FLACC1: variants seen among roughly 807,000 people sequenced by gnomAD.
FLACC1 encodes the protein flagellum associated containing coiled-coil domains 1.
In FLACC1, 66 loss-of-function variants were observed where a neutral mutation model predicts 62.8. The ratio of observed to expected loss-of-function variants is 1.05; its 90% CI spans 0.86 to 1.29. The LOEUF (loss-of-function observed/expected upper bound fraction) is 1.29, where lower values mean the gene tolerates loss of function less well. Among genes scored for constraint, FLACC1 ranks in the 50% most tolerant of loss-of-function variants. FLACC1 has a pLI of 0.00. For missense variants in FLACC1, 452 were observed against 489.1 expected (o/e 0.92, Z 0.71); for synonymous variants, 156 against 161.0 (o/e 0.97, Z 0.24).
chr2:201,361,178 C>T (rs1951183408), upstream of FLACC1, among the ~76,000 whole-genome samples: 1 of 152,186 alleles, frequency 6.6e-6, no homozygotes, highest in South Asian at 2.1e-4. Flanking sequence ...GATTCACTCT[C>T]ATCATTAACC....
At chr2:201,342,519 G>A (rs927371738) in intron 6 of FLACC1, 88 bp from the exon 7 acceptor site, 8 of 1,326,640 alleles carry the variant, frequency 6.0e-6, no homozygotes, top group Admixed American at 1.8e-5. Flanking sequence ...CCAATTTATG[G>A]GGCACAGCCG....
At chr2:201,361,813 T>C (rs1196986352), upstream of FLACC1, among the ~76,000 whole-genome samples, 1 of 152,248 alleles carries the variant, frequency 6.6e-6, no homozygotes, top group East Asian at 1.9e-4. Context: ...GATCAAATTT[T>C]GTGAAACAAT....
At chr2:201,316,534 A>G (rs1046812965) in intron 9 of FLACC1, among the ~76,000 whole-genome samples, 2 of 152,180 alleles carry the variant, frequency 1.3e-5, no homozygotes, top group African/African-American at 4.8e-5. Context: ...CGAACAGACC[A>G]ATAACAAGCA....
chr2:201,313,288 G>A (rs911905139), intron 9 of FLACC1, among the ~76,000 whole-genome samples: 1 of 152,168 alleles, frequency 6.6e-6, no homozygotes, highest in African/African-American at 2.4e-5. Context: ...ACTTGCTTTT[G>A]CAGCTGGGAG....
At chr2:201,329,611 TA>T (rs1339687079) in intron 9 of FLACC1, among the ~76,000 whole-genome samples, 1 of 152,112 alleles carries the variant, frequency 6.6e-6, no homozygotes, top group Non-Finnish European at 1.5e-5. Context: ...TATGCAGCCA[TA>T]AAAAAGAACA....
At chr2:201,323,784 C>CAAAAAAAAAAAAAAAAAAAAAAAAAAAAA (rs71022362) in intron 9 of FLACC1, among the ~76,000 whole-genome samples, 8 of 52,742 alleles carry the variant, frequency 1.5e-4, no homozygotes, top group Non-Finnish European at 2.6e-4. Context: ...CAGACTCTAT[C>CAAAAAAAAAAAAAAAAAAAAAAAAAAAAA]AAAAAAAAAA....
At chr2:201,299,192 G>A (rs200651165) in intron 12 of FLACC1, 46 bp downstream of exon 12, 2 of 1,497,790 alleles carry the variant, frequency 1.3e-6, no homozygotes, top group East Asian at 2.3e-5. Flanking sequence ...TTTTATTGGT[G>A]TATTTGTAAT....
At chr2:201,341,799 T>C (rs1314569406) in intron 7 of FLACC1, among the ~76,000 whole-genome samples, 2 of 152,184 alleles carry the variant, frequency 1.3e-5, no homozygotes, top group Non-Finnish European at 2.9e-5. Flanking sequence ...CATTGTATGA[T>C]TTGATCAATA....
At chr2:201,361,291 C>G (rs1951184186), upstream of FLACC1, among the ~76,000 whole-genome samples, 1 of 152,196 alleles carries the variant, frequency 6.6e-6, no homozygotes, top group African/African-American at 2.4e-5. Context: ...GGTGATGCTG[C>G]TGCTGAGATC....
Position 201,293,114 on chromosome 2 carries a change from G to A in FLACC1, c.943-3329C>T, listed in dbSNP as rs193065469. Among the ~76,000 whole-genome samples the A allele has an allele frequency of 2.6e-3, 400 of 152,164 alleles. 1 individual carries two copies. Among genetic ancestry groups the A allele is most frequent in the Non-Finnish European group, 4.8e-3 (327 of 68,006 alleles). ...CACTGTCAACATTAGACAGCTCCAC[G>A]AGACAGAAAGTTAACAAGGATATCC... On this transcript the variant is annotated intron_variant, in intron 12 of 14. Coordinates refer to ENST00000392257, the MANE Select transcript of FLACC1 (RefSeq NM_001127391.3).
chr2:201,302,391 T>C (rs528379444), intron 11 of FLACC1, among the ~76,000 whole-genome samples: 1 of 152,286 alleles, frequency 6.6e-6, no homozygotes, highest in East Asian at 1.9e-4. Context: ...CTATCCTAAA[T>C]ACATATGCAC....
intron 7 of FLACC1, among the ~76,000 whole-genome samples, chr2:201,340,548 GAT>G: frequency 6.6e-6 from 1 of 152,076 alleles, no homozygotes; most frequent in East Asian, 1.9e-4. Context: ...TGTCAGAATT[GAT>G]ATCATTTTAT....
intron 6 of FLACC1, among the ~76,000 whole-genome samples, chr2:201,342,756 A>G (rs1468557941): frequency 6.6e-6 from 1 of 152,208 alleles, no homozygotes; most frequent in Non-Finnish European, 1.5e-5. Context: ...CATGGCCTTC[A>G]GATTTTTGGA....
chr2:201,306,841 T>C (rs1286107806), intron 11 of FLACC1, among the ~76,000 whole-genome samples: 1 of 152,124 alleles, frequency 6.6e-6, no homozygotes, highest in Admixed American at 6.6e-5. Context: ...AAAATAAAAA[T>C]GTAAGCACCT....
At chr2:201,349,871 A>G (rs1950990836) in intron 3 of FLACC1, among the ~76,000 whole-genome samples, 1 of 152,116 alleles carries the variant, frequency 6.6e-6, no homozygotes, top group Admixed American at 6.5e-5. Context: ...CCCTGTGGAG[A>G]GCAGTGGATA....
intron 9 of FLACC1, among the ~76,000 whole-genome samples, chr2:201,325,448 A>T (rs1251032335): frequency 6.6e-6 from 1 of 152,172 alleles, no homozygotes; most frequent in Non-Finnish European, 1.5e-5. Context: ...AGAAGAGAAG[A>T]TCTAAATAAG....
rs78386143 is a variant in FLACC1 at position 201,342,383 on chromosome 2, C to A, written c.511G>T (p.Glu171Ter). Reference protein sequence around the residue: ...LRCAEMKQNFENKNRELKEAH... With the variant: ...LRCAEMKQNF Reference sequence around the variant, plus strand: ...CAGAAAGTGTACCTGTTCTTGTTTTCAAAGTTCTGTTTCATCTCAGCACAG... The same window carrying A: ...CAGAAAGTGTACCTGTTCTTGTTTTAAAAGTTCTGTTTCATCTCAGCACAG... Residue 171 changes from glutamate to a stop codon, truncating the protein, a stop_gained, in exon 7 of 15, where the codon GAA (glutamate) becomes TAA (stop). Transcript: ENST00000392257. LOFTEE classifies it high-confidence loss of function. The A allele has an allele frequency of 2.0e-5, 33 of 1,614,216 alleles. No individual in the cohort carries two copies. The East Asian group carries it at 7.4e-4, about 36-fold the overall frequency.
At chr2:201,304,998 A>C (rs973149524) in intron 11 of FLACC1, among the ~76,000 whole-genome samples, 2 of 152,256 alleles carry the variant, frequency 1.3e-5, no homozygotes, top group African/African-American at 4.8e-5. Context: ...AAACCTAGGC[A>C]ATACCATTCA....
At chr2:201,348,157 T>C in intron 4 of FLACC1, 97 bp downstream of exon 4, 1 of 1,227,268 alleles carries the variant, frequency 8.1e-7, no homozygotes, top group Non-Finnish European at 1.1e-6. Flanking sequence ...TTGTGAAGAT[T>C]CGACAAGGTA....
Sources: gnomAD v4.1 joint callset for allele counts (sites outside exome capture counted in the v4.1 genomes callset) on GRCh38, gnomAD v4.1.1 for gene constraint, MANE v1.5 for transcripts, NCBI Gene and HGNC (gene_info 2026-07-23, HGNC 2026-07-21) for gene names.